TLL1: variants seen among roughly 807,000 people sequenced by gnomAD.
TLL1 encodes tolloid-like protein 1.
TLL1 carries 49 observed loss-of-function variants against 128.2 expected under a neutral mutation model. That is an observed-to-expected ratio of 0.38 (90% confidence interval 0.30 to 0.48). The LOEUF (loss-of-function observed/expected upper bound fraction) is 0.48. Ranked by LOEUF, TLL1 falls within the 20% of genes least tolerant of loss-of-function variation. The pLI, the probability that TLL1 is intolerant of heterozygous loss-of-function variation, is 0.96. For missense variants in TLL1, 1,123 were observed against 1,242.0 expected, an observed-to-expected ratio of 0.90 and a Z score of 1.44; for synonymous variants, 454 against 418.8, an observed-to-expected ratio of 1.08 and a Z score of -1.03.
intron 1 of TLL1, among the ~76,000 whole-genome samples, chr4:165,899,602 T>C (rs1731856659): frequency 6.6e-6 from 1 of 152,206 alleles, no homozygotes; most frequent in Non-Finnish European, 1.5e-5. Flanking sequence ...TGTTATGATT[T>C]CCGTTCTTTT....
At chr4:165,973,585 G>A (rs2110982066) in intron 1 of TLL1, among the ~76,000 whole-genome samples, 1 of 151,850 alleles carries the variant, frequency 6.6e-6, no homozygotes, top group African/African-American at 2.4e-5. Context: ...GGTAAGGGCA[G>A]ATCTTGAGGG....
chr4:166,077,596 T>C (rs1345529272), intron 17 of TLL1, among the ~76,000 whole-genome samples: 1 of 152,166 alleles, frequency 6.6e-6, no homozygotes, highest in Non-Finnish European at 1.5e-5. Flanking sequence ...ACTGTCAATA[T>C]ATGTTGCACT....
intron 1 of TLL1, among the ~76,000 whole-genome samples, chr4:165,889,499 C>T (rs1465097664): frequency 6.6e-6 from 1 of 152,206 alleles, no homozygotes; most frequent in African/African-American, 2.4e-5. Context: ...GGGAGAAGAA[C>T]ATCCAAATGT....
chr4:166,055,261 C>T lies in TLL1; in HGVS notation c.1710C>T (p.Asn570=). ...TGAACAAAGCAGGGTTTGCTGCTAA[C>T]TTTTTTAAAGGTAATTTGAAATAAT... ...GTVNKAGFAA[N]FFKEEDECAK... The change falls in exon 13 of 21, where the codon AAC becomes AAT. Residue 570 remains asparagine, a synonymous_variant. Transcript: ENST00000061240. 6.2e-7 allele frequency: 1 copy of T among 1,613,328 alleles called. No homozygotes were observed. Among genetic ancestry groups the T allele is most frequent in the African/African-American group, 1.3e-5 (1 of 74,952 alleles).
At chr4:165,899,967 T>A (rs186375871) in intron 1 of TLL1, among the ~76,000 whole-genome samples, 7 of 152,346 alleles carry the variant, frequency 4.6e-5, no homozygotes, top group African/African-American at 1.7e-4. Context: ...TTTACCATTA[T>A]GTAATGCCTT....
chr4:165,986,040 A>G (rs1486210759), intron 1 of TLL1, among the ~76,000 whole-genome samples: 1 of 151,780 alleles, frequency 6.6e-6, no homozygotes, highest in Non-Finnish European at 1.5e-5. Context: ...TTCTGATCTC[A>G]CTAACCTCAA....
intron 15 of TLL1, among the ~76,000 whole-genome samples, chr4:166,060,398 G>A (rs1330139113): frequency 6.6e-6 from 1 of 151,974 alleles, no homozygotes; most frequent in East Asian, 1.9e-4. Flanking sequence ...ATTACCTAGA[G>A]GGAGTTTTTA....
Position 166,005,830 on chromosome 4 carries a change from A to G in TLL1, c.812-2113A>G, listed in dbSNP as rs967632114. Reference sequence around the variant, plus strand: ...TAAAAATAGGATCCTGTTTCAATATAAATATGTACCTGAAACAAGGAGAAG... The same window carrying G: ...TAAAAATAGGATCCTGTTTCAATATGAATATGTACCTGAAACAAGGAGAAG... On this transcript the variant is annotated intron_variant, in intron 6 of 20. Transcript: ENST00000061240. Among the ~76,000 whole-genome samples the G allele has an allele frequency of 4.0e-5, 6 of 151,888 alleles. No individual in the cohort carries two copies. The East Asian group carries it at 1.2e-3, about 29-fold the overall frequency.
At chr4:166,043,472 G>T (rs1290724832) in intron 12 of TLL1, 53 bp downstream of exon 12, 8 of 1,608,002 alleles carry the variant, frequency 5.0e-6, no homozygotes, top group Non-Finnish European at 6.8e-6. Context: ...AACGACAATG[G>T]CATTTAAGAG....
At chr4:165,944,510 C>T (rs1293715872) in intron 1 of TLL1, among the ~76,000 whole-genome samples, 1 of 152,096 alleles carries the variant, frequency 6.6e-6, no homozygotes. Flanking sequence ...TCAACTTTAT[C>T]AGGGACTTAA....
At chr4:165,875,540 A>C (rs183034541) in intron 1 of TLL1, among the ~76,000 whole-genome samples, 1 of 151,828 alleles carries the variant, frequency 6.6e-6, no homozygotes, top group Admixed American at 6.5e-5. Context: ...ACTTTTAATA[A>C]CTGTATCTAT....
intron 19 of TLL1, among the ~76,000 whole-genome samples, chr4:166,096,210 GGT>G (rs60978680): frequency 0.081 from 11,689 of 144,988 alleles, 527 homozygotes; most frequent in African/African-American, 0.14. Flanking sequence ...TTCTGTCATG[GGT>G]GTGTGTGTGT....
At chr4:166,004,209 C>T (rs1446543769) in intron 6 of TLL1, among the ~76,000 whole-genome samples, 2 of 151,986 alleles carry the variant, frequency 1.3e-5, no homozygotes, top group South Asian at 2.1e-4. Context: ...TTAACTTTTA[C>T]GTGCATAAAG....
At position 165,877,547 on chromosome 4, in the gene TLL1, T is replaced by C. The variant is rs180853178; in HGVS notation, c.169+3474T>C. ...GAGACTGAGGTGTCCTGTTTCATTGTTGTACTATAGAAATAAATGTGAATC... is the reference window on the plus strand; with the variant it reads ...GAGACTGAGGTGTCCTGTTTCATTGCTGTACTATAGAAATAAATGTGAATC... On this transcript the variant is annotated intron_variant, in intron 1 of 20. Coordinates refer to ENST00000061240, the MANE Select transcript of TLL1 (RefSeq NM_012464.5). 8.9e-4 allele frequency among the ~76,000 whole-genome samples: 135 copies of C among 152,350 alleles called. 1 individual carries two copies. Among genetic ancestry groups the C allele is most frequent in the Non-Finnish European group, 3.8e-4 (26 of 68,042 alleles).
At chr4:166,032,605 T>C (rs947413680) in intron 9 of TLL1, among the ~76,000 whole-genome samples, 7 of 152,134 alleles carry the variant, frequency 4.6e-5, no homozygotes, top group Non-Finnish European at 1.0e-4. Flanking sequence ...TCTCAGTAAA[T>C]AATACTTAAA....
chr4:165,876,302 A>T (rs1186406162), intron 1 of TLL1, among the ~76,000 whole-genome samples: 1 of 151,824 alleles, frequency 6.6e-6, no homozygotes, highest in Non-Finnish European at 1.5e-5. Context: ...TAACAGAAAA[A>T]AAATGAAATA....
At chr4:166,052,690 C>A (rs1000191378) in intron 12 of TLL1, among the ~76,000 whole-genome samples, 2 of 152,016 alleles carry the variant, frequency 1.3e-5, no homozygotes, top group African/African-American at 4.8e-5. Flanking sequence ...CATTCTTTCT[C>A]CCCCTCTTCC....
At chr4:166,038,118 G>A (rs1193918979) in intron 9 of TLL1, among the ~76,000 whole-genome samples, 1 of 152,194 alleles carries the variant, frequency 6.6e-6, no homozygotes, top group Admixed American at 6.6e-5. Context: ...CAAGAAAGGG[G>A]AGAAGCATAT....
chr4:166,074,469 A>T (rs1275192991), intron 16 of TLL1, among the ~76,000 whole-genome samples: 1 of 151,838 alleles, frequency 6.6e-6, no homozygotes, highest in East Asian at 1.9e-4. Flanking sequence ...ATTGAAGGAT[A>T]TCCCTCTACT....
Sources: allele counts gnomAD v4.1 joint callset (sites outside exome capture counted in the v4.1 genomes callset), GRCh38; gene constraint gnomAD v4.1.1; transcripts MANE v1.5; gene names NCBI Gene and HGNC (gene_info 2026-07-23, HGNC 2026-07-21).